ROBO1: variants seen among roughly 807,000 people sequenced by gnomAD.
ROBO1 encodes the protein roundabout guidance receptor 1.
In ROBO1, 149 loss-of-function variants were observed where a neutral mutation model predicts 195.9. The observed-to-expected ratio is 0.76, with a 90% CI of 0.67 to 0.87. The LOEUF (loss-of-function observed/expected upper bound fraction) is 0.87, where lower values mean the gene tolerates loss of function less well. Ranked by LOEUF, ROBO1 falls within the 40% of genes least tolerant of loss-of-function variation. ROBO1 has a pLI of 0.00. For missense variants in ROBO1, 1,933 were observed against 2,068.3 expected (o/e 0.93, Z 1.27); for synonymous variants, 816 against 733.2 (o/e 1.11, Z -1.82).
At chr3:79,228,890 A>G (rs1350841624) in intron 2 of ROBO1, among the ~76,000 whole-genome samples, 1 of 152,190 alleles carries the variant, frequency 6.6e-6, no homozygotes, top group Non-Finnish European at 1.5e-5. Flanking sequence ...AAAAAAAATC[A>G]GTTAATAAAA....
intron 2 of ROBO1, among the ~76,000 whole-genome samples, chr3:79,399,957 C>T (rs1332542544): frequency 1.3e-5 from 2 of 152,106 alleles, no homozygotes; most frequent in Non-Finnish European, 2.9e-5. Flanking sequence ...ACACTAGACC[C>T]TTGTGTAGCA....
At chr3:79,673,073 C>A (rs1946676815) in intron 1 of ROBO1, among the ~76,000 whole-genome samples, 1 of 151,988 alleles carries the variant, frequency 6.6e-6, no homozygotes, top group South Asian at 2.1e-4. Context: ...CATTTTTCTT[C>A]TCTATTCCCT....
At chr3:79,525,699 G>A (rs1047129773) in intron 2 of ROBO1, among the ~76,000 whole-genome samples, 2 of 149,554 alleles carry the variant, frequency 1.3e-5, no homozygotes, top group East Asian at 2.0e-4. Flanking sequence ...TCCGCTTCCC[G>A]GGTTCAAGCA....
chr3:79,442,348 C>T (rs987733735), intron 2 of ROBO1, among the ~76,000 whole-genome samples: 3 of 152,068 alleles, frequency 2.0e-5, no homozygotes, highest in Non-Finnish European at 4.4e-5. Flanking sequence ...CCATATATTT[C>T]AGAATTTCTT....
intron 2 of ROBO1, among the ~76,000 whole-genome samples, chr3:79,398,213 T>G (rs2037224229): frequency 6.6e-6 from 1 of 152,102 alleles, no homozygotes; most frequent in Non-Finnish European, 1.5e-5. Context: ...TTTGTTACCC[T>G]CAAAATAAAA....
At chr3:79,101,148 C>T (rs1194921121) in intron 3 of ROBO1, among the ~76,000 whole-genome samples, 1 of 151,648 alleles carries the variant, frequency 6.6e-6, no homozygotes. Context: ...TTAAAAAACA[C>T]AGATATAGCT....
chr3:78,840,069 G>A (rs1043813578), intron 4 of ROBO1, among the ~76,000 whole-genome samples: 4 of 152,164 alleles, frequency 2.6e-5, no homozygotes, highest in Non-Finnish European at 5.9e-5. Context: ...AAAATAAATG[G>A]ACCTTAGGCA....
At chr3:79,706,593 C>A (rs777655387) in intron 1 of ROBO1, among the ~76,000 whole-genome samples, 17 of 152,024 alleles carry the variant, frequency 1.1e-4, no homozygotes, top group Non-Finnish European at 2.2e-4. Context: ...TAAGTCATGG[C>A]AGCAGGTGTT....
intron 2 of ROBO1, among the ~76,000 whole-genome samples, chr3:79,528,493 A>G (rs1384112744): frequency 6.6e-6 from 1 of 152,222 alleles, no homozygotes; most frequent in Non-Finnish European, 1.5e-5. Context: ...ATATGCATAC[A>G]CAAATATATG....
intron 3 of ROBO1, among the ~76,000 whole-genome samples, chr3:78,995,297 A>G (rs1452288655): frequency 6.6e-6 from 1 of 152,136 alleles, no homozygotes; most frequent in Non-Finnish European, 1.5e-5. Context: ...GCACAAATCC[A>G]AAGGGTGATA....
At chr3:79,304,582 A>G (rs576228317) in intron 2 of ROBO1, among the ~76,000 whole-genome samples, 10 of 152,158 alleles carry the variant, frequency 6.6e-5, no homozygotes, top group Non-Finnish European at 1.2e-4. Flanking sequence ...ATTAGTTTAC[A>G]TTTCCTAGAA....
At chr3:79,218,562 C>T (rs1045119386) in intron 2 of ROBO1, among the ~76,000 whole-genome samples, 8 of 151,860 alleles carry the variant, frequency 5.3e-5, no homozygotes, top group African/African-American at 1.9e-4. Context: ...ATTAAATATT[C>T]ATGTTCTAAA....
chr3:79,053,313 G>C (rs1439138218), intron 3 of ROBO1, among the ~76,000 whole-genome samples: 1 of 151,708 alleles, frequency 6.6e-6, no homozygotes, highest in Non-Finnish European at 1.5e-5. Flanking sequence ...TAACGATTCT[G>C]AGACTTCAAT....
chr3:79,384,751 C>A (rs1016120037), intron 2 of ROBO1, among the ~76,000 whole-genome samples: 3 of 151,974 alleles, frequency 2.0e-5, no homozygotes, highest in African/African-American at 7.2e-5. Context: ...CACACATAAG[C>A]ACACACACGT....
chr3:79,703,038 C>G (rs146232764), intron 1 of ROBO1, among the ~76,000 whole-genome samples: 2,082 of 151,854 alleles, frequency 0.014, 20 homozygotes, highest in Non-Finnish European at 0.022. Flanking sequence ...ATTTTAGGAA[C>G]CTTAGCATTG....
intron 4 of ROBO1, among the ~76,000 whole-genome samples, chr3:78,933,162 C>T (rs750187803): frequency 2.4e-4 from 36 of 152,098 alleles, no homozygotes; most frequent in Non-Finnish European, 4.4e-4. Context: ...TTCTCTGACA[C>T]AGCCATGTTC....
rs566264367 is a variant in ROBO1 at position 79,527,385 on chromosome 3, C to T, written c.88+62439G>A. ...AGCACTAAATAATTTGCTAACTTTA[C>T]TAATAAATGAAGTTCTTCAAATTCC... On this transcript the variant is annotated intron_variant, in intron 2 of 30. Coordinates refer to ENST00000464233, the MANE Select transcript of ROBO1 (RefSeq NM_002941.4). Among the ~76,000 whole-genome samples the T allele has an allele frequency of 1.6e-4, 24 of 152,200 alleles. No homozygotes were observed. The South Asian group carries it at 4.6e-3, about 29-fold the overall frequency.
chr3:78,882,491 T>A (rs771412175), intron 4 of ROBO1, among the ~76,000 whole-genome samples: 8 of 152,160 alleles, frequency 5.3e-5, no homozygotes, highest in Non-Finnish European at 1.2e-4. Context: ...TACAACAAGC[T>A]GTTTTGAGCT....
chr3:79,036,698 C>G (rs547346880), intron 3 of ROBO1, among the ~76,000 whole-genome samples: 1 of 151,960 alleles, frequency 6.6e-6, no homozygotes, highest in East Asian at 1.9e-4. Flanking sequence ...TTATAATGAC[C>G]CAAAGTAAAG....
Sources: gnomAD v4.1 joint callset for allele counts (sites outside exome capture counted in the v4.1 genomes callset) on GRCh38, gnomAD v4.1.1 for gene constraint, MANE v1.5 for transcripts, NCBI Gene and HGNC (gene_info 2026-07-23, HGNC 2026-07-21) for gene names.